STS: variants seen among roughly 807,000 people sequenced by gnomAD.
STS encodes steryl-sulfatase.
A neutral mutation model predicts 26.8 loss-of-function variants in STS; 7 were observed. The ratio of observed to expected loss-of-function variants is 0.26; its 90% CI spans 0.15 to 0.49. The LOEUF (loss-of-function observed/expected upper bound fraction) is 0.49. STS is among the 20% of genes least tolerant of loss of function. STS has a pLI of 0.98. For missense variants in STS, 434 were observed against 465.6 expected, an observed-to-expected ratio of 0.93 and a Z score of 0.63; for synonymous variants, 199 against 189.4, an observed-to-expected ratio of 1.05 and a Z score of -0.42.
chrX:7,205,646 T>A (rs1413270437), intron 2 of STS, among the ~76,000 whole-genome samples: 2 of 106,283 alleles, frequency 1.9e-5, no homozygotes, highest in Non-Finnish European at 3.9e-5. Flanking sequence ...TTTTTCTTTT[T>A]TTTTTTTTTT....
At chrX:7,152,177 T>C (rs775661254) in intron 1 of STS, among the ~76,000 whole-genome samples, 115 of 109,775 alleles carry the variant, frequency 1.0e-3, no homozygotes, top group Middle Eastern at 0.01. Flanking sequence ...TGGTCTCGAT[T>C]TCCTGACCTT....
chrX:7,323,728 A>C (rs1161417686), intron 8 of STS, among the ~76,000 whole-genome samples: 1 of 111,781 alleles, frequency 8.9e-6, no homozygotes, highest in African/African-American at 3.3e-5. Flanking sequence ...TTCCTTTGGG[A>C]ATAACCATGA....
At chrX:7,228,447 G>A (rs1387459864) in intron 2 of STS, among the ~76,000 whole-genome samples, 2 of 111,731 alleles carry the variant, frequency 1.8e-5, no homozygotes, top group Non-Finnish European at 3.8e-5. Flanking sequence ...CTCTCATTGT[G>A]TGTGGGTTTG....
chrX:7,162,982 G>A (rs535009530), intron 1 of STS, among the ~76,000 whole-genome samples: 2 of 104,201 alleles, frequency 1.9e-5, no homozygotes, highest in South Asian at 4.6e-4. Flanking sequence ...GCTTGAACCC[G>A]GGATGCAGAC....
In STS at chrX:7,259,330, C is replaced by T; in HGVS notation, c.383-19C>T. The T allele has an allele frequency of 8.3e-7, 1 of 1,203,439 alleles. No individual in the cohort carries two copies. Among genetic ancestry groups the T allele is most frequent in the African/African-American group, 1.7e-5 (1 of 57,646 alleles). ...GGGTGTTTATTGGGACTGAAGTGAT[C>T]CCCCATTTGTCTTCTCAGGGAAATG... On this transcript the variant is annotated intron_variant, in intron 5 of 10. Transcript: ENST00000674429.
intron 7 of STS, among the ~76,000 whole-genome samples, chrX:7,304,172 C>T (rs1371961193): frequency 1.8e-5 from 2 of 111,429 alleles, no homozygotes; most frequent in East Asian, 2.8e-4. Context: ...CTGATTCTTC[C>T]ACTTCTTAAG....
At chrX:7,318,256 C>T (rs769834687) in intron 8 of STS, among the ~76,000 whole-genome samples, 4 of 111,420 alleles carry the variant, frequency 3.6e-5, no homozygotes, top group Non-Finnish European at 7.5e-5. Flanking sequence ...AAACTCTGCT[C>T]GATGATAATG....
At chrX:7,215,803 T>G (rs1329971328) in intron 2 of STS, among the ~76,000 whole-genome samples, 7 of 112,000 alleles carry the variant, frequency 6.3e-5, no homozygotes, top group Non-Finnish European at 9.4e-5. Flanking sequence ...CTCCTTCGCC[T>G]TTGGGCCTGA....
At chrX:7,203,892 C>G (rs770602897) in intron 2 of STS, among the ~76,000 whole-genome samples, 1 of 111,398 alleles carries the variant, frequency 9.0e-6, no homozygotes, top group African/African-American at 3.3e-5. Context: ...TCAAGCAATT[C>G]TCCTGTCTCA....
At chrX:7,279,209 C>T (rs768670017) in intron 7 of STS, among the ~76,000 whole-genome samples, 8 of 103,786 alleles carry the variant, frequency 7.7e-5, no homozygotes, top group African/African-American at 2.9e-4. Context: ...GAGGCTGAGG[C>T]AGGAGAATCA....
chrX:7,316,055 A>T (rs1367634587), intron 8 of STS, among the ~76,000 whole-genome samples: 1 of 111,803 alleles, frequency 8.9e-6, no homozygotes, highest in East Asian at 2.8e-4. Context: ...GTTGACCAGG[A>T]CATTTTCGTG....
At chrX:7,276,220 C>A in intron 7 of STS, 133 bp downstream of exon 7, 1 of 839,695 alleles carries the variant, frequency 1.2e-6, no homozygotes, top group Non-Finnish European at 1.7e-6. Flanking sequence ...TTGAAAGTAA[C>A]CAAAAATGCA....
chrX:7,156,284 TCTTG>T (rs1477113594), intron 1 of STS, among the ~76,000 whole-genome samples: 5 of 111,096 alleles, frequency 4.5e-5, no homozygotes, highest in Non-Finnish European at 7.5e-5. Flanking sequence ...TTTGGCTGGC[TCTTG>T]CTTCTCTTTG....
At chrX:7,178,575 G>A (rs1252806598) in intron 1 of STS, among the ~76,000 whole-genome samples, 1 of 111,669 alleles carries the variant, frequency 9.0e-6, no homozygotes, top group East Asian at 2.8e-4. Context: ...ACATTCTCAA[G>A]GGCTGAGCTC....
At chrX:7,343,752 G>A (rs1471999224) in intron 10 of STS, among the ~76,000 whole-genome samples, 1 of 111,696 alleles carries the variant, frequency 9.0e-6, no homozygotes, top group African/African-American at 3.3e-5. Context: ...CCCGCCTACC[G>A]CCAGCACCCC....
At chrX:7,348,479 C>A (rs1053282656) in intron 10 of STS, among the ~76,000 whole-genome samples, 1 of 112,032 alleles carries the variant, frequency 8.9e-6, no homozygotes, top group Non-Finnish European at 1.9e-5. Flanking sequence ...GCACCTGATT[C>A]TAGTCGGTTC....
intron 8 of STS, among the ~76,000 whole-genome samples, chrX:7,323,414 C>T (rs991804807): frequency 9.0e-6 from 1 of 110,769 alleles, no homozygotes; most frequent in Non-Finnish European, 1.9e-5. Flanking sequence ...TCTACTGTTG[C>T]CAACTTTATG....
intron 7 of STS, among the ~76,000 whole-genome samples, chrX:7,294,355 G>T (rs1392381237): frequency 9.1e-6 from 1 of 110,458 alleles, no homozygotes; most frequent in East Asian, 2.9e-4. Context: ...AATTATCAAA[G>T]AATCAAGTTA....
chrX:7,238,414 A>C (rs544970451), intron 2 of STS, among the ~76,000 whole-genome samples: 1 of 110,882 alleles, frequency 9.0e-6, no homozygotes, highest in South Asian at 3.9e-4. Flanking sequence ...TGACATGTCC[A>C]AATGTTGACA....
Sources: gnomAD v4.1 joint callset for allele counts (sites outside exome capture counted in the v4.1 genomes callset) on GRCh38, gnomAD v4.1.1 for gene constraint, MANE v1.5 for transcripts, NCBI Gene and HGNC (gene_info 2026-07-23, HGNC 2026-07-21) for gene names.